The following ARID1B variants were observed in gnomAD, a reference collection of about 807,000 sequenced individuals.
The protein encoded by ARID1B is AT-rich interactive domain-containing protein 1B.
Under a neutral mutation model 212.3 loss-of-function variants are expected in ARID1B, and 30 were observed. The ratio of observed to expected loss-of-function variants is 0.14; its 90% CI spans 0.11 to 0.19. The LOEUF is 0.19. Among genes scored for constraint, ARID1B ranks in the 10% least tolerant of loss-of-function variants. The probability of loss-of-function intolerance (pLI) is 1.00; values close to 1 mark genes in which losing one functional copy is unlikely to be tolerated. For missense variants in ARID1B, 2,891 were observed against 3,204.0 expected (o/e 0.90, Z 2.36); for synonymous variants, 1,402 against 1,301.7 (o/e 1.08, Z -1.66).
chr6:157,202,123 A>G (rs1391966954), intron 18 of ARID1B, among the ~76,000 whole-genome samples: 1 of 152,258 alleles, frequency 6.6e-6, no homozygotes, highest in African/African-American at 2.4e-5. Flanking sequence ...GATACATAGA[A>G]CTGATATCAT....
intron 3 of ARID1B, among the ~76,000 whole-genome samples, chr6:156,927,907 AGTT>A (rs1791358681): frequency 6.6e-6 from 1 of 152,230 alleles, no homozygotes; most frequent in Admixed American, 6.5e-5. Flanking sequence ...CACCACAAAT[AGTT>A]AATATATGGC....
intron 15 of ARID1B, among the ~76,000 whole-genome samples, chr6:157,191,106 T>C (rs1187846627): frequency 6.6e-6 from 1 of 152,100 alleles, no homozygotes; most frequent in East Asian, 1.9e-4. Flanking sequence ...GAGTAGTTTT[T>C]TTTTGTGATA....
intron 2 of ARID1B, among the ~76,000 whole-genome samples, chr6:156,882,206 A>C (rs1369018563): frequency 1.3e-5 from 2 of 151,228 alleles, no homozygotes; most frequent in African/African-American, 4.9e-5. Flanking sequence ...CCTCCCTCTC[A>C]GCCTTGGTCC....
At chr6:156,976,182 C>CT (rs769110516) in intron 4 of ARID1B, 3 of 152,732 alleles carry the variant, frequency 2.0e-5, no homozygotes, top group African/African-American at 7.2e-5. Context: ...GCTATTTTCA[C>CT]TTTTGTGAAT....
intron 5 of ARID1B, among the ~76,000 whole-genome samples, 175 bp from the exon 6 acceptor site, chr6:157,110,297 C>T (rs1405593857): frequency 6.6e-6 from 1 of 152,010 alleles, no homozygotes; most frequent in Non-Finnish European, 1.5e-5. Context: ...TTCATGTTTC[C>T]TCTTTGTTTC....
intron 7 of ARID1B, among the ~76,000 whole-genome samples, chr6:157,143,932 AC>A (rs1789545150): frequency 6.6e-6 from 1 of 152,312 alleles, no homozygotes; most frequent in African/African-American, 2.4e-5. Context: ...ATAGATTGGC[AC>A]CCCTGGCCTA....
At chr6:156,879,157 C>T (rs1042593897) in intron 2 of ARID1B, among the ~76,000 whole-genome samples, 1 of 152,202 alleles carries the variant, frequency 6.6e-6, no homozygotes, top group Non-Finnish European at 1.5e-5. Flanking sequence ...CCCACGCACT[C>T]GGAGCCTCTT....
intron 4 of ARID1B, among the ~76,000 whole-genome samples, chr6:157,021,464 G>A (rs573521951): frequency 1.3e-5 from 2 of 152,198 alleles, no homozygotes; most frequent in Non-Finnish European, 2.9e-5. Context: ...GGCCTCTGCC[G>A]GCAGGCCCCG....
At chr6:156,799,404 G>A (rs1214145935) in intron 1 of ARID1B, among the ~76,000 whole-genome samples, 1 of 152,220 alleles carries the variant, frequency 6.6e-6, no homozygotes, top group African/African-American at 2.4e-5. Flanking sequence ...AGTTGGACAA[G>A]TGGTCTGAAT....
rs562270539 is a variant in ARID1B at position 156,947,636 on chromosome 6, A to T, written c.2247+12060A>T. On this transcript the variant is annotated intron_variant, in intron 4 of 19. Transcript: ENST00000636930. Reference sequence around the variant, plus strand: ...ACTCTGAACTCTGAAGGGCTAATTTAAAAAAAAAAAAAAAATCAAGCCCCT... The same window carrying T: ...ACTCTGAACTCTGAAGGGCTAATTTTAAAAAAAAAAAAAAATCAAGCCCCT... Among the ~76,000 whole-genome samples the T allele has an allele frequency of 9.5e-3, 696 of 72,982 alleles. 9 individuals carry two copies. Among genetic ancestry groups the T allele is most frequent in the African/African-American group, 0.036 (665 of 18,558 alleles). 47.9% of individuals were successfully genotyped at this position (72,982 alleles called of 152,430 possible).
intron 9 of ARID1B, among the ~76,000 whole-genome samples, chr6:157,170,403 T>G (rs1791638801): frequency 6.6e-6 from 1 of 152,178 alleles, no homozygotes; most frequent in Non-Finnish European, 1.5e-5. Flanking sequence ...TCAGCCTCAT[T>G]GCGAGGGGCT....
chr6:157,186,751 C>T (rs544391227), intron 13 of ARID1B: 54 of 335,450 alleles, frequency 1.6e-4, no homozygotes, highest in South Asian at 8.9e-4. Context: ...CACATTCAGG[C>T]GAACTAAACT....
intron 3 of ARID1B, among the ~76,000 whole-genome samples, chr6:156,911,341 T>TC: frequency 7.5e-6 from 1 of 133,826 alleles, no homozygotes; most frequent in East Asian, 2.0e-4. Context: ...ATAATTAGTT[T>TC]TTTTTTTTTT....
intron 4 of ARID1B, among the ~76,000 whole-genome samples, chr6:156,960,209 A>G (rs149957293): frequency 1.3e-5 from 2 of 152,030 alleles, no homozygotes; most frequent in Admixed American, 6.6e-5. Context: ...GATTACAGGC[A>G]TGAGCCACCA....
At chr6:156,972,726 A>T (rs1365410767) in intron 4 of ARID1B, among the ~76,000 whole-genome samples, 1 of 152,174 alleles carries the variant, frequency 6.6e-6, no homozygotes, top group African/African-American at 2.4e-5. Context: ...CCAGCCAGAG[A>T]GACCTGCAGG....
intron 4 of ARID1B, chr6:157,036,579 C>T (rs1453577799): frequency 3.3e-6 from 1 of 300,404 alleles, no homozygotes. Flanking sequence ...TCAACCACTA[C>T]GTCCACATGA....
rs142604600 is a variant in ARID1B, at chr6:156,824,508, T to G, written c.1792-4719T>G. Among the ~76,000 whole-genome samples, 1,518 of 152,294 alleles carry G rather than the reference T, an allele frequency of 1.0e-2. 16 individuals carry two copies. Among genetic ancestry groups the G allele is most frequent in the Non-Finnish European group, 0.017 (1,134 of 68,010 alleles). Reference sequence around the variant, plus strand: ...GGCCAGGCGCAGCGGCTCACGCCTGTAATCCCAGCACTTTGGGAGGTCGAG... The same window carrying G: ...GGCCAGGCGCAGCGGCTCACGCCTGGAATCCCAGCACTTTGGGAGGTCGAG... On this transcript the variant is annotated intron_variant, in intron 1 of 19. Coordinates refer to ENST00000636930, the MANE Select transcript of ARID1B (RefSeq NM_001374828.1).
intron 1 of ARID1B, among the ~76,000 whole-genome samples, chr6:156,821,863 C>T (rs1782375813): frequency 6.6e-6 from 1 of 152,192 alleles, no homozygotes; most frequent in Admixed American, 6.5e-5. Flanking sequence ...ACCAAAAACA[C>T]AGGCAGTGGT....
intron 4 of ARID1B, among the ~76,000 whole-genome samples, chr6:156,958,259 A>C (rs2128317124): frequency 6.6e-6 from 1 of 152,300 alleles, no homozygotes; most frequent in Non-Finnish European, 1.5e-5. Flanking sequence ...TTCACTTTTA[A>C]ACAGTTTATC....
Sources: gnomAD v4.1 joint callset for allele counts (sites outside exome capture counted in the v4.1 genomes callset) on GRCh38, gnomAD v4.1.1 for gene constraint, MANE v1.5 for transcripts, NCBI Gene and HGNC (gene_info 2026-07-23, HGNC 2026-07-21) for gene names.